PAX7: variants seen among roughly 807,000 people sequenced by gnomAD.
The protein encoded by PAX7 is paired box protein Pax-7.
A neutral mutation model predicts 50.7 loss-of-function variants in PAX7; 18 were observed. The ratio of observed to expected loss-of-function variants is 0.36; its 90% CI spans 0.25 to 0.53. The LOEUF is 0.53. Among genes scored for constraint, PAX7 ranks in the 20% least tolerant of loss-of-function variants. PAX7 has a pLI of 0.93. For missense variants in PAX7, 644 were observed against 702.9 expected (o/e 0.92, Z 0.95); for synonymous variants, 310 against 290.4 (o/e 1.07, Z -0.69).
At chr1:18,699,709 C>T (rs2089193165) in intron 5 of PAX7, among the ~76,000 whole-genome samples, 1 of 152,088 alleles carries the variant, frequency 6.6e-6, no homozygotes. Flanking sequence ...TACAGGCGCC[C>T]ACCACCATGC....
intron 7 of PAX7, among the ~76,000 whole-genome samples, chr1:18,704,986 G>C (rs2089265595): frequency 6.6e-6 from 1 of 152,228 alleles, no homozygotes; most frequent in Non-Finnish European, 1.5e-5. Context: ...GTCTGGCACA[G>C]AGTGAGTGCC....
At chr1:18,686,471 G>A (rs952763339) in intron 4 of PAX7, among the ~76,000 whole-genome samples, 1 of 152,170 alleles carries the variant, frequency 6.6e-6, no homozygotes, top group East Asian at 1.9e-4. Flanking sequence ...TCTGGCTGCC[G>A]TTTAATGAAT....
intron 4 of PAX7, among the ~76,000 whole-genome samples, chr1:18,660,153 G>A (rs1229714201): frequency 6.6e-6 from 1 of 152,036 alleles, no homozygotes; most frequent in African/African-American, 2.4e-5. Context: ...CTAGGATAGG[G>A]CCAAATGGGC....
rs1296334504 is a variant in PAX7 at position 18,636,492 on chromosome 1, A to C, written c.586+121A>C. 1,858 of 1,246,620 alleles carry C rather than the reference A, an allele frequency of 1.5e-3. No individual in the cohort carries two copies. Among genetic ancestry groups the C allele is most frequent in the Non-Finnish European group, 1.9e-3 (1,674 of 893,012 alleles). The allele number at this position is 1,246,620 out of a possible 1,614,324, so 77.2% of individuals were successfully genotyped here. On this transcript the variant is annotated intron_variant, in intron 4 of 8. Transcript: ENST00000420770. The surrounding 1 kb of genome is among the most constrained non-coding windows in gnomAD (Gnocchi z 5.1). ...CCAGAACTCCAGCGGAGAAACTCTC[A>C]TGCTGCGGGGCAGCTGGGAGCCGCT...
intron 4 of PAX7, among the ~76,000 whole-genome samples, chr1:18,657,654 G>T (rs189412986): frequency 1.3e-5 from 2 of 152,272 alleles, no homozygotes; most frequent in East Asian, 3.9e-4. Context: ...GCAGAATTCA[G>T]GGGCCCGATG....
At chr1:18,713,149 A>C (rs189968222) in intron 7 of PAX7, among the ~76,000 whole-genome samples, 6 of 151,880 alleles carry the variant, frequency 4.0e-5, no homozygotes, top group Non-Finnish European at 1.5e-5. Context: ...TTCCATCCAA[A>C]CTCCACACCT....
intron 8 of PAX7, among the ~76,000 whole-genome samples, chr1:18,738,352 C>T (rs551141484): frequency 3.7e-4 from 56 of 152,258 alleles, no homozygotes; most frequent in African/African-American, 1.3e-3. Context: ...CTGGGGCAGG[C>T]GTTAGTCACA....
chr1:18,660,772 G>A lies in PAX7; in HGVS notation c.586+24401G>A, dbSNP rs1570136551. Among the ~76,000 whole-genome samples, 4 of 152,268 alleles carry A rather than the reference G, an allele frequency of 2.6e-5. No individual in the cohort carries two copies. In the East Asian group the frequency reaches 5.8e-4, roughly 22 times the overall value. ...AAAAAACAGAAGGGGGCTCAGAGGT[G>A]GGGCCCAGTCCTGGCCTGTGAGCCA... On this transcript the variant is annotated intron_variant, in intron 4 of 8. Transcript: ENST00000420770.
chr1:18,714,451 C>T (rs2089393286), intron 7 of PAX7, among the ~76,000 whole-genome samples: 1 of 152,208 alleles, frequency 6.6e-6, no homozygotes, highest in African/African-American at 2.4e-5. Flanking sequence ...CCTCTTTCTG[C>T]TTCTCCTCGC....
chr1:18,636,431 G>T lies in PAX7; in HGVS notation c.586+60G>T, dbSNP rs2088158317. 3.8e-6 allele frequency: 6 copies of T among 1,565,404 alleles called. No homozygotes were observed. Among genetic ancestry groups the T allele is most frequent in the South Asian group, 3.5e-5 (3 of 86,216 alleles). On this transcript the variant is annotated intron_variant, in intron 4 of 8. Coordinates refer to ENST00000420770, the MANE Select transcript of PAX7 (RefSeq NM_001135254.2). The surrounding 1 kb of genome is among the most constrained non-coding windows in gnomAD (Gnocchi z 5.1). ...CGGGTTTTCCCACGCTCCGGTGTGC[G>T]GGCCAGTGGTTCGCTCCCGCCGCCG...
At chr1:18,722,841 G>C (rs528167951) in intron 7 of PAX7, among the ~76,000 whole-genome samples, 1 of 152,288 alleles carries the variant, frequency 6.6e-6, no homozygotes, top group Admixed American at 6.5e-5. Flanking sequence ...CTCATTTTGA[G>C]TTGTGTCACC....
intron 5 of PAX7, among the ~76,000 whole-genome samples, chr1:18,699,528 C>A (rs1039058349): frequency 7.2e-5 from 11 of 151,798 alleles, no homozygotes; most frequent in Admixed American, 3.9e-4. Context: ...AGGAAACTTG[C>A]AAATCCAGAT....
chr1:18,743,298 T>G (rs537044025), intron 8 of PAX7, among the ~76,000 whole-genome samples: 1 of 152,322 alleles, frequency 6.6e-6, no homozygotes, highest in East Asian at 1.9e-4. Context: ...ATGTGCAGGA[T>G]TTGAACCTCC....
In PAX7 at chr1:18,738,028, G is replaced by A. The variant is rs1030083490; in HGVS notation, c.1402+2150G>A. ...TGGACACATATTCTGTGTGCAGTGT[G>A]TAAATAGGGGTGAGTGTATGAGTGT... On this transcript the variant is annotated intron_variant, in intron 8 of 8. Coordinates refer to ENST00000420770, the MANE Select transcript of PAX7 (RefSeq NM_001135254.2). Among the ~76,000 whole-genome samples, 56 of 152,314 alleles carry A rather than the reference G, an allele frequency of 3.7e-4. 1 individual carries two copies. The highest frequency in any genetic ancestry group is 2.1e-4 in the South Asian group (1 of 4,828).
At chr1:18,727,372 A>T (rs143619422) in intron 7 of PAX7, among the ~76,000 whole-genome samples, 100 of 9,856 alleles carry the variant, frequency 0.01, no homozygotes, top group African/African-American at 0.078. Context: ...TCTCTCTCAT[A>T]CACACACACA....
intron 5 of PAX7, among the ~76,000 whole-genome samples, chr1:18,694,461 AAAATAAATAAAT>A (rs61364336): frequency 0.028 from 3,980 of 139,716 alleles, 115 homozygotes; most frequent in African/African-American, 0.077. Context: ...CTCTGTCTCG[AAAATAAATAAAT>A]AAATAAATAA....
intron 8 of PAX7, among the ~76,000 whole-genome samples, chr1:18,740,017 A>G (rs1407086750): frequency 6.6e-6 from 1 of 152,136 alleles, no homozygotes; most frequent in Non-Finnish European, 1.5e-5. Context: ...CTGACGGCTG[A>G]GATTGTTTAC....
At chr1:18,664,919 C>T (rs766102222) in intron 4 of PAX7, among the ~76,000 whole-genome samples, 1 of 152,130 alleles carries the variant, frequency 6.6e-6, no homozygotes, top group Non-Finnish European at 1.5e-5. Flanking sequence ...GGAGACATTA[C>T]CCTTTGGTTC....
At position 18,703,107 on chromosome 1, in the gene PAX7, T is replaced by G; in HGVS notation, c.966T>G (p.Thr322=). The G allele has an allele frequency of 1.2e-6, 2 of 1,613,748 alleles. No individual in the cohort carries two copies. Among genetic ancestry groups the G allele is most frequent in the Non-Finnish European group, 1.7e-6 (2 of 1,179,834 alleles). ...GTCTCTCTACAGATGGGGGCAGCAC[T>G]GTGCACCGGCCTCAGCCCCTGCCAC... The part of the protein sequence containing the change: ...TTTISQDGGS[T]VHRPQPLPPS... The change falls in exon 7 of 9, where the codon ACT becomes ACG. Residue 322 remains threonine, a synonymous_variant. Coordinates refer to ENST00000420770, the MANE Select transcript of PAX7 (RefSeq NM_001135254.2).
Sources: gnomAD v4.1 joint callset for allele counts (sites outside exome capture counted in the v4.1 genomes callset) on GRCh38, gnomAD v4.1.1 for gene constraint, Gnocchi (gnomAD v3.1) non-coding constraint, MANE v1.5 for transcripts, NCBI Gene and HGNC (gene_info 2026-07-23, HGNC 2026-07-21) for gene names.